The following POP1 variants were observed in gnomAD, a reference collection of about 807,000 sequenced individuals.
The protein encoded by POP1 is POP1 ribonuclease P/MRP subunit, also known as ribonucleases P/MRP protein subunit POP1.
In POP1, 75 loss-of-function variants were observed where a neutral mutation model predicts 102.2. That is an observed-to-expected ratio of 0.73 (90% CI 0.61 to 0.89). The LOEUF (loss-of-function observed/expected upper bound fraction) is 0.89, where lower values mean the gene tolerates loss of function less well. POP1 is among the 40% of genes least tolerant of loss of function. The probability of loss-of-function intolerance (pLI) is 0.00; values close to 1 mark genes in which losing one functional copy is unlikely to be tolerated. For missense variants in POP1, 1,116 were observed against 1,267.4 expected, an observed-to-expected ratio of 0.88 and a Z score of 1.81; for synonymous variants, 436 against 464.1, an observed-to-expected ratio of 0.94 and a Z score of 0.78.
Position 98,123,323 on chromosome 8 carries a change from A to T in POP1, c.-2-13A>T. On this transcript the variant is annotated splice_polypyrimidine_tract_variant and intron_variant, in intron 1 of 15. Transcript: ENST00000401707. Reference sequence around the variant, plus strand: ...TTCCTTTCCCTGTATTAAATGTATTACTTCCTTTCCAGAAATGTCAAATGC... The same window carrying T: ...TTCCTTTCCCTGTATTAAATGTATTTCTTCCTTTCCAGAAATGTCAAATGC... The T allele has an allele frequency of 6.2e-7, 1 of 1,612,466 alleles. No individual in the cohort carries two copies. Among genetic ancestry groups the T allele is most frequent in the Admixed American group, 1.7e-5 (1 of 59,976 alleles).
chr8:98,145,079 CG>C (rs1247149322), intron 11 of POP1, among the ~76,000 whole-genome samples: 1 of 151,898 alleles, frequency 6.6e-6, no homozygotes, highest in African/African-American at 2.4e-5. Context: ...TGTAGAGACA[CG>C]GTTTCGCCAT....
chr8:98,136,239 C>T (rs953113162), intron 7 of POP1, among the ~76,000 whole-genome samples: 1 of 151,796 alleles, frequency 6.6e-6, no homozygotes, highest in Non-Finnish European at 1.5e-5. Context: ...TGCCACCCAA[C>T]TATTTTTTGT....
intron 1 of POP1, among the ~76,000 whole-genome samples, chr8:98,121,300 TG>T (rs1816013132): frequency 1.3e-5 from 2 of 152,200 alleles, no homozygotes; most frequent in Middle Eastern, 3.4e-3. Flanking sequence ...AGTAAGTGAA[TG>T]GGGGGTAATT....
At chr8:98,126,921 C>A (rs533769761) in intron 2 of POP1, among the ~76,000 whole-genome samples, 7 of 152,164 alleles carry the variant, frequency 4.6e-5, no homozygotes, top group Middle Eastern at 3.4e-3. Flanking sequence ...CACTTCTGGT[C>A]CCAGTTATTT....
chr8:98,140,059 A>G lies in POP1; in HGVS notation c.1363-19A>G. Reference sequence around the variant, plus strand: ...TGGATTCATTGTTCGTCCAGTGAATAGTAGTTGTTATTTTTCAGGTGGGAG... The same window carrying G: ...TGGATTCATTGTTCGTCCAGTGAATGGTAGTTGTTATTTTTCAGGTGGGAG... On this transcript the variant is annotated intron_variant, in intron 9 of 15. Transcript: ENST00000401707. 6.3e-7 allele frequency: 1 copy of G among 1,577,272 alleles called. No homozygotes were observed. The highest frequency in any genetic ancestry group is 8.7e-7 in the Non-Finnish European group (1 of 1,146,928).
rs139708481 is a variant in POP1, at chr8:98,148,420, A to C, written c.1711-395A>C. The stretch of plus-strand genomic sequence containing the variant: ...AGATCTGATGAGCAATTTTCTCAAG[A>C]GGCAGTGCATTTCTCTAGTTGCCCA... On this transcript the variant is annotated intron_variant, in intron 12 of 15. Transcript: ENST00000401707. 1.3e-3 allele frequency among the ~76,000 whole-genome samples: 192 copies of C among 152,306 alleles called. 1 individual carries two copies. The highest frequency in any genetic ancestry group is 4.3e-3 in the African/African-American group (179 of 41,574).
intron 11 of POP1, among the ~76,000 whole-genome samples, chr8:98,143,665 A>G (rs1230064470): frequency 1.3e-5 from 2 of 152,180 alleles, no homozygotes; most frequent in Non-Finnish European, 2.9e-5. Context: ...ATAGCATCAT[A>G]CAGAATAGAT....
At position 98,133,938 on chromosome 8, in the gene POP1, G is replaced by A. The variant is rs201593014; in HGVS notation, c.736-11G>A. On this transcript the variant is annotated splice_polypyrimidine_tract_variant and intron_variant, in intron 5 of 15. Transcript: ENST00000401707. ...TCCTAAGTACTTAATTGTGTCTCCC[G>A]CTTTGTGCAGGATTTATCCTATTAC... The A allele has an allele frequency of 1.9e-5, 30 of 1,605,462 alleles. No homozygotes were observed. The Admixed American group carries it at 3.3e-4, about 18-fold the overall frequency.
intron 9 of POP1, among the ~76,000 whole-genome samples, chr8:98,138,030 AT>A (rs1267227654): frequency 6.6e-6 from 1 of 152,224 alleles, no homozygotes; most frequent in Non-Finnish European, 1.5e-5. Context: ...ACTTTTCTCC[AT>A]CTTCACTGCT....
chr8:98,141,009 C>A, intron 11 of POP1, 121 bp downstream of exon 11: 1 of 1,149,484 alleles, frequency 8.7e-7, no homozygotes, highest in Non-Finnish European at 1.3e-6. Flanking sequence ...TTAGGGCAGT[C>A]TCCTTACCTG....
intron 5 of POP1, 87 bp downstream of exon 5, chr8:98,130,313 C>A (rs1223870911): frequency 6.5e-6 from 10 of 1,545,408 alleles, no homozygotes; most frequent in Middle Eastern, 3.4e-4. Context: ...TGTGCCAAGC[C>A]CCGTTTATGT....
chr8:98,136,409 A>C, intron 7 of POP1, 73 bp from the exon 8 acceptor site: 1 of 1,488,950 alleles, frequency 6.7e-7, no homozygotes, highest in South Asian at 1.3e-5. Context: ...TTTAAAAAAA[A>C]AAACCCAACT....
chr8:98,140,842 G>T lies in POP1; in HGVS notation c.1548G>T (p.Leu516Phe). 1 of 1,613,940 alleles carries T rather than the reference G, an allele frequency of 6.2e-7. No homozygotes were observed. Among genetic ancestry groups the T allele is most frequent in the Non-Finnish European group, 8.5e-7 (1 of 1,179,872 alleles). Residue 516 changes from leucine to phenylalanine, a missense_variant, in exon 11 of 16, where the codon TTG becomes TTT. Transcript: ENST00000401707. ...GLTVGDPRIN[L>F]PQKKSKALPN... is the part of the protein sequence containing the mutation. ...CAGTTGGGGATCCTCGAATAAATTT[G>T]CCCCAAAAGAAGTCCAAAGCTTTGC...
intron 2 of POP1, 48 bp from the exon 3 acceptor site, chr8:98,127,547 T>A: frequency 3.1e-6 from 5 of 1,600,078 alleles, no homozygotes; most frequent in Non-Finnish European, 4.3e-6. Flanking sequence ...TCCACTATAA[T>A]GTTTATCTCT....
chr8:98,136,155 A>C (rs1173662510), intron 7 of POP1, among the ~76,000 whole-genome samples: 1 of 151,852 alleles, frequency 6.6e-6, no homozygotes, highest in Non-Finnish European at 1.5e-5. Context: ...ATCTCAGCTC[A>C]CTGCAACCTC....
In POP1 at chr8:98,136,542, T is replaced by C; in HGVS notation, c.1072T>C (p.Cys358Arg). 1 of 1,613,894 alleles carries C rather than the reference T, an allele frequency of 6.2e-7. No homozygotes were observed. Among genetic ancestry groups the C allele is most frequent in the Non-Finnish European group, 8.5e-7 (1 of 1,179,810 alleles). Residue 358 changes from cysteine (C) to arginine (R), a missense_variant, in exon 8 of 16, where the codon TGC becomes CGC. Physicochemically the swap from Cys to Arg is radical, Grantham distance 180. Transcript: ENST00000401707. Reference protein sequence around the residue: ...QCVEPIKSAVCIADPLPTPSQ... With the variant: ...QCVEPIKSAVRIADPLPTPSQ... The stretch of plus-strand genomic sequence containing the variant: ...TGTGGAACCCATCAAATCAGCTGTC[T>C]GCATCGCTGACCCACTTCCAACACC...
chr8:98,146,921 A>G (rs1816858440), intron 12 of POP1, among the ~76,000 whole-genome samples: 1 of 152,264 alleles, frequency 6.6e-6, no homozygotes, highest in African/African-American at 2.4e-5. Context: ...CTATTATCCA[A>G]GGATAAGAAT....
In POP1 at chr8:98,128,372, T is replaced by C; in HGVS notation, c.318T>C (p.Thr106=). The C allele has an allele frequency of 6.2e-7, 1 of 1,614,072 alleles. No homozygotes were observed. Among genetic ancestry groups the C allele is most frequent in the East Asian group, 2.2e-5 (1 of 44,884 alleles). ...TGTCATCTCCTTCAACAGCTTCTACTTTTGCTCAAGCACGAGCTGCTGAAA... is the reference window on the plus strand; with the variant it reads ...TGTCATCTCCTTCAACAGCTTCTACCTTTGCTCAAGCACGAGCTGCTGAAA... The part of the protein sequence containing the change: ...QEIPKYITAS[T]FAQARAAEIS... Residue 106 remains threonine, a synonymous_variant, in exon 4 of 16, where the codon ACT becomes ACC. Transcript: ENST00000401707.
intron 11 of POP1, among the ~76,000 whole-genome samples, chr8:98,145,332 T>G (rs1169020437): frequency 6.6e-6 from 1 of 152,238 alleles, no homozygotes; most frequent in African/African-American, 2.4e-5. Flanking sequence ...AGCAGGCAGG[T>G]ATGTGCCTTT....
Sources: gnomAD v4.1 joint callset for allele counts (sites outside exome capture counted in the v4.1 genomes callset) on GRCh38, gnomAD v4.1.1 for gene constraint, MANE v1.5 for transcripts, NCBI Gene and HGNC (gene_info 2026-07-23, HGNC 2026-07-21) for gene names.